The following MAML2 variants were observed in gnomAD, a reference collection of about 807,000 sequenced individuals.
The protein encoded by MAML2 is mastermind-like protein 2.
In MAML2, 22 loss-of-function variants were observed where a neutral mutation model predicts 96.1. That is an observed-to-expected ratio of 0.23 (90% CI 0.16 to 0.33). The LOEUF is 0.33. Ranked by LOEUF, MAML2 falls within the 10% of genes least tolerant of loss-of-function variation. The pLI is 1.00. For synonymous variants in MAML2, 561 were observed against 521.3 expected (o/e 1.08, Z -1.04); for missense variants, 1,367 against 1,392.4 (o/e 0.98, Z 0.29).
intron 2 of MAML2, among the ~76,000 whole-genome samples, chr11:96,000,699 T>C (rs1282295402): frequency 4.6e-5 from 7 of 152,196 alleles, no homozygotes; most frequent in African/African-American, 1.4e-4. Context: ...AAAAAACAAC[T>C]TACAGATCTT....
intron 1 of MAML2, among the ~76,000 whole-genome samples, chr11:96,303,386 T>G (rs1236573449): frequency 6.6e-6 from 1 of 152,226 alleles, no homozygotes; most frequent in Non-Finnish European, 1.5e-5. Flanking sequence ...CCTTTGGTAA[T>G]CTTTCTAGAA....
At chr11:96,164,038 T>G (rs1414017435) in intron 1 of MAML2, among the ~76,000 whole-genome samples, 95 of 148,762 alleles carry the variant, frequency 6.4e-4, no homozygotes, top group African/African-American at 2.2e-3. Context: ...TTTTTTTTGT[T>G]TTTTTTTGGT....
chr11:96,007,461 G>C (rs1395911335), intron 2 of MAML2, among the ~76,000 whole-genome samples: 5 of 152,026 alleles, frequency 3.3e-5, no homozygotes, highest in Non-Finnish European at 7.4e-5. Context: ...TAGGTAACTG[G>C]TATCACTTGG....
chr11:96,153,477 G>T (rs1051187764), intron 1 of MAML2, among the ~76,000 whole-genome samples: 3 of 151,968 alleles, frequency 2.0e-5, no homozygotes, highest in African/African-American at 7.3e-5. Context: ...GAATTTATTA[G>T]GATTAATTTT....
Position 96,093,252 on chromosome 11 carries a change from A to T in MAML2, c.779T>A (p.Met260Lys). 3 of 1,614,058 alleles carry T rather than the reference A, an allele frequency of 1.9e-6. No homozygotes were observed. Among genetic ancestry groups the T allele is most frequent in the Non-Finnish European group, 2.5e-6 (3 of 1,179,902 alleles). Residue 260 changes from methionine to lysine, a missense_variant, in exon 2 of 5, where the codon ATG (methionine) becomes AAG (lysine). Physicochemically the swap from Met to Lys is moderately conservative, Grantham distance 95. Coordinates refer to ENST00000524717, the MANE Select transcript of MAML2 (RefSeq NM_032427.4). ...THSPGNGLFN[M>K]GLKEVKKEPG... ...CTCCTTCTTTACCTCCTTTAAGCCC[A>T]TGTTAAACAGGCCATTGCCAGGAGA...
chr11:96,299,044 C>CAAAAA (rs71040142), intron 1 of MAML2, among the ~76,000 whole-genome samples: 10 of 80,794 alleles, frequency 1.2e-4, no homozygotes, highest in African/African-American at 5.5e-4. Context: ...GAGTCCATCT[C>CAAAAA]AAAAAAAAAA....
At chr11:96,036,336 T>C (rs554296372) in intron 2 of MAML2, among the ~76,000 whole-genome samples, 43 of 152,174 alleles carry the variant, frequency 2.8e-4, no homozygotes, top group Non-Finnish European at 5.0e-4. Context: ...TTAAGTTCAC[T>C]CTAGAGAGTT....
Position 96,294,065 on chromosome 11 carries a change from G to C in MAML2, c.513+47318C>G, listed in dbSNP as rs369143335. Among the ~76,000 whole-genome samples the C allele has an allele frequency of 4.6e-5, 7 of 152,310 alleles. No individual in the cohort carries two copies. The East Asian group carries it at 1.3e-3, about 29-fold the overall frequency. ...CAATGAATTTTAAGTATTATTTTCA[G>C]CATTAGTTAGGTTTTATTTTTAAAC... On this transcript the variant is annotated intron_variant, in intron 1 of 4. Transcript: ENST00000524717.
At chr11:96,185,432 AGG>A (rs1196205414) in intron 1 of MAML2, among the ~76,000 whole-genome samples, 1 of 152,158 alleles carries the variant, frequency 6.6e-6, no homozygotes, top group East Asian at 1.9e-4. Context: ...AGTGTTTTCC[AGG>A]GAGGCTCGAC....
chr11:96,294,557 A>G (rs1301189599), intron 1 of MAML2, among the ~76,000 whole-genome samples: 2 of 152,222 alleles, frequency 1.3e-5, no homozygotes, highest in Non-Finnish European at 2.9e-5. Flanking sequence ...AAGGAAAGAG[A>G]CAGCAGAGAT....
In MAML2 at chr11:95,996,205, A is replaced by T. The variant is rs1308127585; in HGVS notation, c.2140-4482T>A. ...CTAGGCAGTTTTTTATTTTCTAGAG[A>T]CCAAAATGTACTTAGAAATGGGGAA... On this transcript the variant is annotated intron_variant, in intron 2 of 4. Coordinates refer to ENST00000524717, the MANE Select transcript of MAML2 (RefSeq NM_032427.4). Among the ~76,000 whole-genome samples, 4 of 152,194 alleles carry T rather than the reference A, an allele frequency of 2.6e-5. No homozygotes were observed. The East Asian group carries it at 7.7e-4, about 29-fold the overall frequency.
intron 2 of MAML2, among the ~76,000 whole-genome samples, chr11:96,019,979 G>A (rs1858411972): frequency 6.6e-6 from 1 of 152,136 alleles, no homozygotes; most frequent in African/African-American, 2.4e-5. Context: ...ACGCTATTCA[G>A]TCGTTAAGTG....
chr11:96,267,150 C>T (rs1862840901), intron 1 of MAML2, among the ~76,000 whole-genome samples: 1 of 152,114 alleles, frequency 6.6e-6, no homozygotes, highest in African/African-American at 2.4e-5. Flanking sequence ...AGGGAAAATA[C>T]ACAGTATTTG....
chr11:96,112,539 T>C (rs1234779768), intron 1 of MAML2, among the ~76,000 whole-genome samples: 1 of 152,268 alleles, frequency 6.6e-6, no homozygotes, highest in Non-Finnish European at 1.5e-5. Context: ...CAGGAGTATT[T>C]GTGTGAAGAT....
intron 1 of MAML2, among the ~76,000 whole-genome samples, chr11:96,153,877 C>T (rs1243081561): frequency 1.3e-5 from 2 of 151,770 alleles, no homozygotes; most frequent in Admixed American, 1.3e-4. Context: ...CATCACTGCA[C>T]TCCAGCTCTG....
At chr11:96,274,317 T>C (rs12421603) in intron 1 of MAML2, among the ~76,000 whole-genome samples, 16,932 of 152,016 alleles carry the variant, frequency 0.11, 1,175 homozygotes, top group Admixed American at 0.23. Flanking sequence ...CTCCTGACCT[T>C]GTGATCGGCC....
intron 1 of MAML2, among the ~76,000 whole-genome samples, chr11:96,191,256 G>A (rs1861648673): frequency 6.6e-6 from 1 of 152,088 alleles, no homozygotes; most frequent in Admixed American, 6.6e-5. Flanking sequence ...ACAAGGTCAA[G>A]AGATTGAGAC....
Position 95,979,197 on chromosome 11 carries a change from C to A in MAML2, c.3222G>T (p.Thr1074=). ...TCAGGGATGGTGGCTGGTTGATGCC[C>A]GTCCTCGACTGATTCAACCCTGTTC... ...QSGTGLNQSR[T]GINQPPSLTP... The change falls in exon 5 of 5, where the codon ACG becomes ACT. Residue 1074 remains threonine, a synonymous_variant. Transcript: ENST00000524717. 6.2e-7 allele frequency: 1 copy of A among 1,613,932 alleles called. No individual in the cohort carries two copies. The highest frequency in any genetic ancestry group is 8.5e-7 in the Non-Finnish European group (1 of 1,179,876).
intron 2 of MAML2, among the ~76,000 whole-genome samples, chr11:96,056,353 T>C (rs541122317): frequency 6.7e-6 from 1 of 150,044 alleles, no homozygotes; most frequent in Non-Finnish European, 1.5e-5. Flanking sequence ...TTGGGTCACA[T>C]GTTCTCTCTT....
Sources: allele counts gnomAD v4.1 joint callset (sites outside exome capture counted in the v4.1 genomes callset), GRCh38; gene constraint gnomAD v4.1.1; transcripts MANE v1.5; gene names NCBI Gene and HGNC (gene_info 2026-07-23, HGNC 2026-07-21).